The following KLF8 variants were observed in gnomAD, a reference collection of about 807,000 sequenced individuals.
KLF8 encodes Krueppel-like factor 8.
A neutral mutation model predicts 18.2 loss-of-function variants in KLF8; 10 were observed. The observed-to-expected ratio is 0.55, with a 90% confidence interval of 0.34 to 0.93. KLF8 has a LOEUF of 0.93. KLF8 is among the 40% of genes least tolerant of loss of function. The probability of loss-of-function intolerance (pLI) is 0.02; values close to 1 mark genes in which losing one functional copy is unlikely to be tolerated. For synonymous variants in KLF8, 109 were observed against 97.3 expected (o/e 1.12, Z -0.71); for missense variants, 264 against 277.9 (o/e 0.95, Z 0.36).
At chrX:55,919,309 A>C in the KLF8 span, among the ~76,000 whole-genome samples, 1 of 111,975 alleles carries the variant, frequency 8.9e-6, no homozygotes, top group Non-Finnish European at 1.9e-5. Flanking sequence ...GTGGAGACTC[A>C]CTTCGTGAAC....
At chrX:56,020,556 A>G in the KLF8 span, among the ~76,000 whole-genome samples, 2 of 111,597 alleles carry the variant, frequency 1.8e-5, no homozygotes, top group African/African-American at 6.5e-5. Context: ...GATTCACAGG[A>G]TTCTGATTTG....
the KLF8 span, among the ~76,000 whole-genome samples, chrX:56,093,951 AT>A: frequency 1.8e-3 from 112 of 63,665 alleles, no homozygotes; most frequent in African/African-American, 5.7e-3. Flanking sequence ...GTGTGTGTGT[AT>A]GAGAGAGAAC....
chrX:56,163,929 G>C, the KLF8 span, among the ~76,000 whole-genome samples: 3 of 110,776 alleles, frequency 2.7e-5, no homozygotes, highest in Non-Finnish European at 5.7e-5. Context: ...CTTATGTCTG[G>C]GTACTCTATT....
the KLF8 span, among the ~76,000 whole-genome samples, chrX:56,147,752 G>T: frequency 8.9e-6 from 1 of 112,309 alleles, no homozygotes; most frequent in African/African-American, 3.2e-5. Flanking sequence ...ACCGAGGTGG[G>T]TGGATCACAT....
the KLF8 span, among the ~76,000 whole-genome samples, chrX:55,949,515 C>T: frequency 7.2e-5 from 8 of 110,935 alleles, no homozygotes; most frequent in South Asian, 7.7e-4. Context: ...CAAGAAGCAC[C>T]GGGCATGGTG....
upstream of KLF8, among the ~76,000 whole-genome samples, chrX:56,232,234 G>T (rs1343989197): frequency 1.8e-5 from 2 of 111,922 alleles, no homozygotes. Context: ...TATACCTGCC[G>T]CTGCTGGAGG....
At chrX:56,160,077 T>C in the KLF8 span, among the ~76,000 whole-genome samples, 5,661 of 111,857 alleles carry the variant, frequency 0.051, 360 homozygotes, top group African/African-American at 0.18. Context: ...CCAGAGATTC[T>C]GGTATGTTGT....
At chrX:56,043,841 T>C in the KLF8 span, among the ~76,000 whole-genome samples, 8 of 112,721 alleles carry the variant, frequency 7.1e-5, no homozygotes, top group Non-Finnish European at 1.1e-4. Flanking sequence ...TTTTGTGCCC[T>C]TGCTGGAGAG....
chrX:56,245,661 G>T (rs1307398305), intron 1 of KLF8, among the ~76,000 whole-genome samples: 1 of 112,169 alleles, frequency 8.9e-6, no homozygotes, highest in Non-Finnish European at 1.9e-5. Context: ...GCAGAATAAT[G>T]GTTATTACCT....
chrX:56,178,611 T>A, the KLF8 span, among the ~76,000 whole-genome samples: 1 of 112,526 alleles, frequency 8.9e-6, no homozygotes, highest in South Asian at 3.6e-4. Context: ...GTTTTTATAG[T>A]TTTAGTTCTA....
At chrX:55,993,919 T>TC in the KLF8 span, among the ~76,000 whole-genome samples, 2 of 106,426 alleles carry the variant, frequency 1.9e-5, no homozygotes, top group Non-Finnish European at 3.9e-5. Context: ...GGTTTTTTTT[T>TC]TTTTTTTTTT....
the KLF8 span, among the ~76,000 whole-genome samples, chrX:56,196,682 G>A: frequency 9.0e-6 from 1 of 111,478 alleles, no homozygotes. Context: ...ATATTGCACA[G>A]ATCAACAAGA....
At chrX:56,058,193 C>CGT in the KLF8 span, among the ~76,000 whole-genome samples, 1 of 44,918 alleles carries the variant, frequency 2.2e-5, no homozygotes, top group Non-Finnish European at 4.3e-5. Context: ...TATATATATA[C>CGT]ATATATATAT....
the KLF8 span, among the ~76,000 whole-genome samples, chrX:56,214,684 G>A: frequency 8.9e-6 from 1 of 112,365 alleles, no homozygotes; most frequent in Non-Finnish European, 1.9e-5. Context: ...ATAAATGTCT[G>A]TTGTTTAAGC....
the KLF8 span, among the ~76,000 whole-genome samples, chrX:56,190,159 A>G: frequency 2.7e-5 from 3 of 111,772 alleles, no homozygotes; most frequent in Non-Finnish European, 5.7e-5. Context: ...GCCATTGGAA[A>G]CATAAATAAG....
the KLF8 span, among the ~76,000 whole-genome samples, chrX:55,995,217 G>A: frequency 1.7e-4 from 19 of 111,830 alleles, no homozygotes; most frequent in Admixed American, 4.7e-4. Flanking sequence ...AATAAGAATA[G>A]CAATTTCTGC....
the KLF8 span, among the ~76,000 whole-genome samples, chrX:56,065,819 A>T: frequency 8.9e-6 from 1 of 111,873 alleles, no homozygotes; most frequent in Non-Finnish European, 1.9e-5. Context: ...AACAGCAGTT[A>T]TTGCTATGAT....
At chrX:56,043,752 C>T in the KLF8 span, among the ~76,000 whole-genome samples, 3 of 112,345 alleles carry the variant, frequency 2.7e-5, no homozygotes, top group African/African-American at 9.7e-5. Flanking sequence ...ACCCCATGCT[C>T]CTTTAGCTCA....
At chrX:56,094,528 C>A in the KLF8 span, among the ~76,000 whole-genome samples, 3 of 110,374 alleles carry the variant, frequency 2.7e-5, no homozygotes, top group Non-Finnish European at 5.7e-5. Context: ...ATATTAATAT[C>A]CCTCTCTCAG....
Sources: allele counts gnomAD v4.1 joint callset (sites outside exome capture counted in the v4.1 genomes callset), GRCh38; gene constraint gnomAD v4.1.1; transcripts MANE v1.5; gene names NCBI Gene and HGNC (gene_info 2026-07-23, HGNC 2026-07-21).